The following ZSCAN25 variants were observed in gnomAD, a reference collection of about 807,000 sequenced individuals.
ZSCAN25 encodes zinc finger and SCAN domain containing 25.
In ZSCAN25, 27 loss-of-function variants were observed where a neutral mutation model predicts 38.7. The observed-to-expected ratio is 0.70, with a 90% CI of 0.51 to 0.96. The LOEUF (loss-of-function observed/expected upper bound fraction) is 0.96, where lower values mean the gene tolerates loss of function less well. ZSCAN25 is among the 40% of genes least tolerant of loss of function. The probability of loss-of-function intolerance (pLI) is 0.00; values close to 1 mark genes in which losing one functional copy is unlikely to be tolerated. For synonymous variants in ZSCAN25, 273 were observed against 277.7 expected (o/e 0.98, Z 0.17); for missense variants, 637 against 705.9 (o/e 0.90, Z 1.11).
At chr7:99,709,284 G>C in the ZSCAN25 span, 88 of 1,610,678 alleles carry the variant, frequency 5.5e-5, no homozygotes, top group East Asian at 8.7e-4. Flanking sequence ...AAACAGATTT[G>C]GATAAATTGA....
At chr7:99,689,437 G>C in the ZSCAN25 span, among the ~76,000 whole-genome samples, 1 of 152,070 alleles carries the variant, frequency 6.6e-6, no homozygotes, top group South Asian at 2.1e-4. Context: ...TAAATTCCTC[G>C]ACACATACAC....
the ZSCAN25 span, chr7:99,715,784 G>A: frequency 6.2e-7 from 1 of 1,613,816 alleles, no homozygotes; most frequent in South Asian, 1.1e-5. Context: ...TGGATCTAAT[G>A]GATTAAATCT....
the ZSCAN25 span, among the ~76,000 whole-genome samples, chr7:99,724,722 C>A: frequency 2.6e-5 from 4 of 152,200 alleles, no homozygotes; most frequent in Non-Finnish European, 4.4e-5. Flanking sequence ...ACAATTTTCT[C>A]TTAGTCAGGT....
At chr7:99,685,715 C>T in the ZSCAN25 span, among the ~76,000 whole-genome samples, 1 of 152,184 alleles carries the variant, frequency 6.6e-6, no homozygotes, top group African/African-American at 2.4e-5. Context: ...GTTCTGACAA[C>T]GTCCACATTT....
the ZSCAN25 span, chr7:99,671,208 A>C: frequency 1.1e-4 from 17 of 154,562 alleles, no homozygotes; most frequent in African/African-American, 4.1e-4. Context: ...ACTGTGGCCC[A>C]GGGAAGCCAA....
At chr7:99,643,632 T>C in the ZSCAN25 span, among the ~76,000 whole-genome samples, 1,655 of 152,022 alleles carry the variant, frequency 0.011, 22 homozygotes, top group African/African-American at 0.037. Context: ...CTGCCAATCA[T>C]CCCAACCCCG....
Position 99,632,234 on chromosome 7 carries a change from C to T in ZSCAN25, c.*2214C>T, listed in dbSNP as rs922807581. Reference sequence around the variant, plus strand: ...AAAGCCTCTAAGTAGGGGGTTTTTCCCATGGGATTGTGGTAGTCTGATTTT... The same window carrying T: ...AAAGCCTCTAAGTAGGGGGTTTTTCTCATGGGATTGTGGTAGTCTGATTTT... On this transcript the variant is annotated 3_prime_UTR_variant, in exon 8 of 8. Coordinates refer to ENST00000394152, the MANE Select transcript of ZSCAN25 (RefSeq NM_145115.3). The T allele has an allele frequency of 7.1e-6, 7 of 984,902 alleles. No individual in the cohort carries two copies. In the Admixed American group the frequency reaches 1.8e-4, roughly 26 times the overall value. 61.0% of individuals were successfully genotyped at this position (984,902 alleles called of 1,614,324 possible). A position where few individuals can be genotyped will look rare whatever the true frequency, so the allele number is the denominator to read the frequency against.
chr7:99,658,947 A>C, the ZSCAN25 span: 5 of 151,874 alleles, frequency 3.3e-5, no homozygotes, highest in Admixed American at 2.6e-4. Context: ...TCCTTTAAGG[A>C]CTTCTCTGCA....
At chr7:99,670,430 C>G in the ZSCAN25 span, among the ~76,000 whole-genome samples, 1 of 152,150 alleles carries the variant, frequency 6.6e-6, no homozygotes, top group African/African-American at 2.4e-5. Flanking sequence ...GTCCTGTGAA[C>G]AGCCAAAAAT....
rs150400509 is a variant in ZSCAN25 at position 99,622,013 on chromosome 7, C to T, written c.589+439C>T. 3.8e-3 allele frequency: 615 copies of T among 160,326 alleles called. 2 individuals are homozygous for T. Among genetic ancestry groups the T allele is most frequent in the African/African-American group, 0.014 (587 of 41,692 alleles). 9.9% of individuals were successfully genotyped at this position (160,326 alleles called of 1,614,324 possible). The stretch of plus-strand genomic sequence containing the variant: ...GATCTCAGCTCACTGCAACCTTTGC[C>T]TCCTGGGTTGAAGCAATTCTCCTGC... On this transcript the variant is annotated intron_variant, in intron 5 of 7. Coordinates refer to ENST00000394152, the MANE Select transcript of ZSCAN25 (RefSeq NM_145115.3).
chr7:99,701,474 A>G, the ZSCAN25 span, among the ~76,000 whole-genome samples: 1 of 152,214 alleles, frequency 6.6e-6, no homozygotes, highest in African/African-American at 2.4e-5. Flanking sequence ...TATACCCAGC[A>G]CCGGGATTTC....
Position 99,629,872 on chromosome 7 carries a change from G to T in ZSCAN25, c.1487G>T (p.Ser496Ile). 1 of 1,614,256 alleles carries T rather than the reference G, an allele frequency of 6.2e-7. No homozygotes were observed. Among genetic ancestry groups the T allele is most frequent in the Non-Finnish European group, 8.5e-7 (1 of 1,180,046 alleles). Residue 496 changes from serine (S) to isoleucine (I), a missense_variant, in exon 8 of 8, where the codon AGC becomes ATC. Transcript: ENST00000394152. This position sits in a 1 kb window ranked among gnomAD's most constrained non-coding sequence, Gnocchi z 5.6. ...YGCQVCGKRF[S>I]KGERLVRHQR... ...TGCCAGGTGTGCGGGAAGCGGTTCAGCAAAGGGGAGCGGCTGGTCCGACAC... is the reference window on the plus strand; with the variant it reads ...TGCCAGGTGTGCGGGAAGCGGTTCATCAAAGGGGAGCGGCTGGTCCGACAC...
At chr7:99,659,686 A>G in the ZSCAN25 span, 1 of 152,526 alleles carries the variant, frequency 6.6e-6, no homozygotes, top group Non-Finnish European at 1.5e-5. Flanking sequence ...GAGTCTACAG[A>G]GGCAGGCAGA....
the ZSCAN25 span, among the ~76,000 whole-genome samples, chr7:99,654,673 G>A: frequency 6.6e-6 from 1 of 152,212 alleles, no homozygotes; most frequent in Non-Finnish European, 1.5e-5. Flanking sequence ...TTCCACAATG[G>A]TTGAACTAGT....
chr7:99,730,751 G>C, the ZSCAN25 span: 1 of 330,524 alleles, frequency 3.0e-6, no homozygotes, highest in Non-Finnish European at 5.7e-6. Context: ...TACCTTCCTG[G>C]GAACCTGCCT....
the ZSCAN25 span, chr7:99,709,219 C>T: frequency 6.2e-7 from 1 of 1,613,886 alleles, no homozygotes; most frequent in Non-Finnish European, 8.5e-7. Context: ...ACCACCATGT[C>T]AAGATACTCC....
At chr7:99,707,905 G>T in the ZSCAN25 span, 26 of 1,613,938 alleles carry the variant, frequency 1.6e-5, no homozygotes, top group African/African-American at 3.1e-4. Context: ...TGCCAATGCA[G>T]TTTCTGGGTC....
the ZSCAN25 span, among the ~76,000 whole-genome samples, chr7:99,736,636 A>G: frequency 6.6e-6 from 1 of 152,210 alleles, no homozygotes; most frequent in Non-Finnish European, 1.5e-5. Context: ...CTCAGTAGAA[A>G]CAGATGATGT....
chr7:99,710,975 C>T, the ZSCAN25 span: 77 of 1,603,732 alleles, frequency 4.8e-5, no homozygotes, highest in Non-Finnish European at 6.4e-5. Context: ...CTAAGTGGAA[C>T]CTTCAAATCC....
Sources: gnomAD v4.1 joint callset for allele counts (sites outside exome capture counted in the v4.1 genomes callset) on GRCh38, gnomAD v4.1.1 for gene constraint, Gnocchi (gnomAD v3.1) non-coding constraint, MANE v1.5 for transcripts, NCBI Gene and HGNC (gene_info 2026-07-23, HGNC 2026-07-21) for gene names.